The following GLIS3 variants were observed in gnomAD, a reference collection of about 807,000 sequenced individuals.
The protein encoded by GLIS3 is GLIS family zinc finger 3.
Under a neutral mutation model 78.6 loss-of-function variants are expected in GLIS3, and 53 were observed. The observed-to-expected ratio is 0.67, with a 90% CI of 0.54 to 0.85. The LOEUF (loss-of-function observed/expected upper bound fraction) is 0.85, where lower values mean the gene tolerates loss of function less well. GLIS3 is among the 40% of genes least tolerant of loss of function. The pLI, the probability that GLIS3 is intolerant of heterozygous loss-of-function variation, is 0.00. For missense variants in GLIS3, 1,703 were observed against 1,231.1 expected, an observed-to-expected ratio of 1.38 and a Z score of -5.74; for synonymous variants, 684 against 509.9, an observed-to-expected ratio of 1.34 and a Z score of -4.60.
chr9:4,185,160 T>C (rs1817674732), intron 2 of GLIS3, among the ~76,000 whole-genome samples: 1 of 152,230 alleles, frequency 6.6e-6, no homozygotes, highest in African/African-American at 2.4e-5. Context: ...TCCCTATCAA[T>C]TTGACTTTTT....
intron 4 of GLIS3, among the ~76,000 whole-genome samples, chr9:3,961,845 C>A (rs1431218263): frequency 6.6e-6 from 1 of 152,148 alleles, no homozygotes. Context: ...AATACAAAAA[C>A]CAATGAAACC....
chr9:4,430,755 C>T, the GLIS3 span, among the ~76,000 whole-genome samples: 2 of 152,072 alleles, frequency 1.3e-5, no homozygotes, highest in Non-Finnish European at 1.5e-5. Context: ...AAAAAAAATA[C>T]AATCCAAAGA....
At chr9:4,161,049 G>C (rs760140087) in intron 2 of GLIS3, among the ~76,000 whole-genome samples, 6 of 146,780 alleles carry the variant, frequency 4.1e-5, no homozygotes, top group Non-Finnish European at 8.9e-5. Flanking sequence ...TTCGAAATCA[G>C]CCTGGGAAAT....
rs1817720477 is a variant in GLIS3 at position 3,826,284 on chromosome 9, T to A, written c.*1988A>T. On this transcript the variant is annotated 3_prime_UTR_variant, in exon 11 of 11. Transcript: ENST00000381971. ...CTGAAGATAGCAGAGTTTTTTTCTT[T>A]CCAGAGTATGACAAAGGACGCATGA... 2 of 152,226 alleles carry A rather than the reference T, an allele frequency of 1.3e-5. No individual in the cohort carries two copies. The highest frequency in any genetic ancestry group is 4.8e-5 in the African/African-American group (2 of 41,460). 9.4% of individuals were successfully genotyped at this position (152,226 alleles called of 1,614,324 possible).
chr9:4,401,860 G>A, the GLIS3 span, among the ~76,000 whole-genome samples: 2 of 152,124 alleles, frequency 1.3e-5, no homozygotes, highest in Non-Finnish European at 2.9e-5. Flanking sequence ...CAGAACCCCT[G>A]TGGACCAGTG....
chr9:4,404,447 A>T, the GLIS3 span, among the ~76,000 whole-genome samples: 1 of 152,210 alleles, frequency 6.6e-6, no homozygotes, highest in African/African-American at 2.4e-5. Context: ...GATTTTTCTC[A>T]AGAATAGACC....
the GLIS3 span, among the ~76,000 whole-genome samples, chr9:4,489,228 C>T: frequency 6.6e-6 from 1 of 152,182 alleles, no homozygotes; most frequent in Non-Finnish European, 1.5e-5. Flanking sequence ...TCCCTCTAAC[C>T]TTCTTTCTCT....
chr9:3,971,171 T>A (rs1395118724), intron 4 of GLIS3, among the ~76,000 whole-genome samples: 1 of 151,924 alleles, frequency 6.6e-6, no homozygotes, highest in African/African-American at 2.4e-5. Context: ...CATCAAAGAA[T>A]GGAGCAATGG....
intron 4 of GLIS3, among the ~76,000 whole-genome samples, chr9:4,062,665 C>A (rs763547238): frequency 6.6e-6 from 1 of 152,186 alleles, no homozygotes; most frequent in Non-Finnish European, 1.5e-5. Flanking sequence ...CAGTGGCTCA[C>A]GCCTGTAATC....
chr9:4,459,811 A>C, the GLIS3 span, among the ~76,000 whole-genome samples: 1 of 152,186 alleles, frequency 6.6e-6, no homozygotes, highest in Admixed American at 6.5e-5. Flanking sequence ...CCTGTCTCAA[A>C]AAAGAAAAAA....
At chr9:4,465,314 G>A in the GLIS3 span, among the ~76,000 whole-genome samples, 4 of 152,224 alleles carry the variant, frequency 2.6e-5, no homozygotes, top group South Asian at 2.1e-4. Context: ...TTGGGAGGCC[G>A]AGGCAAGGGG....
chr9:3,918,985 C>A (rs946963901), intron 6 of GLIS3, among the ~76,000 whole-genome samples: 2 of 152,074 alleles, frequency 1.3e-5, no homozygotes, highest in African/African-American at 4.8e-5. Context: ...TTAGTTGACC[C>A]TACATATATG....
intron 4 of GLIS3, among the ~76,000 whole-genome samples, chr9:3,957,535 A>G (rs1370572989): frequency 1.3e-5 from 2 of 152,228 alleles, no homozygotes; most frequent in East Asian, 1.9e-4. Flanking sequence ...AGCCCTAAGG[A>G]TATACCACCA....
chr9:4,423,645 T>C, the GLIS3 span, among the ~76,000 whole-genome samples: 2 of 152,154 alleles, frequency 1.3e-5, no homozygotes, highest in African/African-American at 2.4e-5. Context: ...TATCACAAGG[T>C]CACAGAACGT....
intron 2 of GLIS3, among the ~76,000 whole-genome samples, chr9:4,311,667 C>T (rs1817361806): frequency 6.6e-6 from 1 of 152,106 alleles, no homozygotes; most frequent in Non-Finnish European, 1.5e-5. Context: ...CCTGACCCTC[C>T]TGCATCGGCC....
chr9:4,268,907 G>C (rs889867926), intron 2 of GLIS3, among the ~76,000 whole-genome samples: 1 of 152,098 alleles, frequency 6.6e-6, no homozygotes, highest in South Asian at 2.1e-4. Context: ...GTTTGCTGCA[G>C]CTACTATCTA....
rs1244006908 is a variant in GLIS3, at chr9:4,286,309, G to T, written c.117C>A (p.Gly39=). The part of the protein sequence containing the change: ...PAIRAHSGTP[G]PSPCGSTSSP... ...TCGATGTGCTGCCACAGGGCGAGGGGCCAGGAGTCCCGGAGTGGGCTCGGA... is the reference window on the plus strand; with the variant it reads ...TCGATGTGCTGCCACAGGGCGAGGGTCCAGGAGTCCCGGAGTGGGCTCGGA... The change falls in exon 2 of 11, where the codon GGC becomes GGA. Residue 39 remains glycine (G), a synonymous_variant. Coordinates refer to ENST00000381971, the MANE Select transcript of GLIS3 (RefSeq NM_001042413.2). 16 of 1,614,120 alleles carry T rather than the reference G, an allele frequency of 9.9e-6. No individual in the cohort carries two copies. The highest frequency in any genetic ancestry group is 2.2e-5 in the East Asian group (1 of 44,894).
At chr9:4,477,695 T>C in the GLIS3 span, among the ~76,000 whole-genome samples, 1 of 152,110 alleles carries the variant, frequency 6.6e-6, no homozygotes, top group South Asian at 2.1e-4. Flanking sequence ...ATTACAGGCA[T>C]GAGCCACCAC....
intron 2 of GLIS3, among the ~76,000 whole-genome samples, chr9:4,320,988 G>T (rs1308776208): frequency 1.3e-5 from 2 of 152,070 alleles, no homozygotes; most frequent in East Asian, 3.9e-4. Flanking sequence ...CGTTGCTTGA[G>T]AAGGCTGTAA....
Sources: allele counts gnomAD v4.1 joint callset (sites outside exome capture counted in the v4.1 genomes callset), GRCh38; gene constraint gnomAD v4.1.1; transcripts MANE v1.5; gene names NCBI Gene and HGNC (gene_info 2026-07-23, HGNC 2026-07-21).